The following PRELID2 variants were observed in gnomAD, a reference collection of about 807,000 sequenced individuals.
PRELID2 encodes the protein PRELI domain-containing protein 2.
PRELID2 carries 25 observed loss-of-function variants against 28.4 expected under a neutral mutation model. The ratio of observed to expected loss-of-function variants is 0.88; its 90% CI spans 0.64 to 1.23. The LOEUF is 1.23. Ranked by LOEUF, PRELID2 falls within the 50% of genes most tolerant of loss-of-function variation. The probability of loss-of-function intolerance (pLI) is 0.00; values close to 1 mark genes in which losing one functional copy is unlikely to be tolerated. For synonymous variants in PRELID2, 76 were observed against 71.6 expected (o/e 1.06, Z -0.31); for missense variants, 201 against 214.4 (o/e 0.94, Z 0.39).
At chr5:145,369,554 C>T in the PRELID2 span, among the ~76,000 whole-genome samples, 4 of 152,170 alleles carry the variant, frequency 2.6e-5, no homozygotes, top group East Asian at 5.8e-4. Context: ...CATGACTTTG[C>T]TATTGTAAAT....
chr5:145,654,720 A>C (rs1754361968), intron 1 of PRELID2, among the ~76,000 whole-genome samples: 1 of 152,190 alleles, frequency 6.6e-6, no homozygotes, highest in Non-Finnish European at 1.5e-5. Context: ...AAAAACTCTC[A>C]ATAAATTAGG....
At chr5:145,456,611 T>C in the PRELID2 span, among the ~76,000 whole-genome samples, 1 of 152,148 alleles carries the variant, frequency 6.6e-6, no homozygotes, top group Non-Finnish European at 1.5e-5. Flanking sequence ...CAAATTTGCT[T>C]TTTCTACTTG....
chr5:145,424,270 C>T, the PRELID2 span, among the ~76,000 whole-genome samples: 55 of 152,288 alleles, frequency 3.6e-4, no homozygotes, highest in Admixed American at 1.4e-3. Context: ...CCACCCAGTT[C>T]GAGCTTCCCG....
chr5:145,758,398 T>C lies in PRELID2; in HGVS notation c.*2138A>G, dbSNP rs1019261123. On this transcript the variant is annotated 3_prime_UTR_variant, in exon 7 of 7. Coordinates refer to ENST00000683046, the MANE Select transcript of PRELID2 (RefSeq NM_205846.3). ...TGCAAATACCTAAAAGTCACTGTAG[T>C]GTTCTTAGCTGCCCACTGGAACTAC... 1.3e-5 allele frequency among the ~76,000 whole-genome samples: 2 copies of C among 152,228 alleles called. No individual in the cohort carries two copies. Among genetic ancestry groups the C allele is most frequent in the East Asian group, 1.9e-4 (1 of 5,172 alleles).
the PRELID2 span, among the ~76,000 whole-genome samples, chr5:145,236,155 A>G: frequency 6.6e-6 from 1 of 152,144 alleles, no homozygotes. Context: ...TAATAAGATT[A>G]CAAGGAAGGG....
the PRELID2 span, among the ~76,000 whole-genome samples, chr5:145,281,042 G>C: frequency 6.6e-6 from 1 of 152,056 alleles, no homozygotes; most frequent in Non-Finnish European, 1.5e-5. Flanking sequence ...TCACCATTCT[G>C]CATTCTTCTT....
chr5:145,617,439 T>G (rs1426534207), intron 1 of PRELID2, among the ~76,000 whole-genome samples: 1 of 152,156 alleles, frequency 6.6e-6, no homozygotes, highest in South Asian at 2.1e-4. Flanking sequence ...TCTTCACAAT[T>G]TATATTCTTC....
chr5:145,300,664 T>C, the PRELID2 span, among the ~76,000 whole-genome samples: 11 of 151,176 alleles, frequency 7.3e-5, no homozygotes, highest in Non-Finnish European at 1.3e-4. Flanking sequence ...ACAAGTAACA[T>C]TATAACTACT....
the PRELID2 span, among the ~76,000 whole-genome samples, chr5:145,454,453 T>C: frequency 2.0e-5 from 3 of 152,118 alleles, no homozygotes; most frequent in Admixed American, 6.6e-5. Context: ...AAGAAGGAAA[T>C]AAAGGGTATT....
intron 4 of PRELID2, among the ~76,000 whole-genome samples, chr5:145,811,218 T>C (rs1406954425): frequency 6.6e-6 from 1 of 151,626 alleles, no homozygotes; most frequent in African/African-American, 2.4e-5. Context: ...CACGATTTAA[T>C]TGCCTCCCAC....
chr5:145,615,758 C>A (rs889401919), intron 1 of PRELID2, among the ~76,000 whole-genome samples: 2 of 152,190 alleles, frequency 1.3e-5, no homozygotes, highest in Non-Finnish European at 2.9e-5. Context: ...CCCTTCCATT[C>A]ATTAGGCTAT....
the PRELID2 span, among the ~76,000 whole-genome samples, chr5:145,445,111 C>T: frequency 2.1e-3 from 323 of 152,150 alleles, no homozygotes; most frequent in Non-Finnish European, 3.0e-3. Context: ...AGAGGTATCA[C>T]ACTACCGGCC....
chr5:145,457,046 A>G, the PRELID2 span, among the ~76,000 whole-genome samples: 1 of 152,240 alleles, frequency 6.6e-6, no homozygotes, highest in Non-Finnish European at 1.5e-5. Context: ...AATGTGATAT[A>G]CTTTATTTTT....
the PRELID2 span, among the ~76,000 whole-genome samples, chr5:145,449,697 C>T: frequency 6.6e-6 from 1 of 152,140 alleles, no homozygotes; most frequent in African/African-American, 2.4e-5. Context: ...TCTATATCAA[C>T]ATGTTACTCT....
intron 1 of PRELID2, among the ~76,000 whole-genome samples, chr5:145,640,978 C>T (rs1754097901): frequency 2.0e-5 from 3 of 152,056 alleles, no homozygotes; most frequent in Non-Finnish European, 4.4e-5. Context: ...AATAAATTAA[C>T]ATATAACCAT....
At chr5:145,380,309 C>A in the PRELID2 span, among the ~76,000 whole-genome samples, 1 of 152,206 alleles carries the variant, frequency 6.6e-6, no homozygotes, top group Non-Finnish European at 1.5e-5. Flanking sequence ...GCTTTCTCCC[C>A]CTTCAGCCCA....
intron 1 of PRELID2, among the ~76,000 whole-genome samples, chr5:145,567,714 T>G (rs1200760179): frequency 6.6e-6 from 1 of 152,168 alleles, no homozygotes; most frequent in African/African-American, 2.4e-5. Flanking sequence ...CTTCTCCTGC[T>G]GGCACTTCTC....
intron 5 of PRELID2, among the ~76,000 whole-genome samples, chr5:145,773,839 A>G (rs1331182909): frequency 6.6e-6 from 1 of 152,240 alleles, no homozygotes; most frequent in Non-Finnish European, 1.5e-5. Flanking sequence ...TGTACATTTT[A>G]TCAACAAATT....
At chr5:145,320,631 C>G in the PRELID2 span, among the ~76,000 whole-genome samples, 1 of 152,110 alleles carries the variant, frequency 6.6e-6, no homozygotes, top group African/African-American at 2.4e-5. Context: ...TTGATTTTGT[C>G]TGTATTGCTA....
Sources: gnomAD v4.1 joint callset for allele counts (sites outside exome capture counted in the v4.1 genomes callset) on GRCh38, gnomAD v4.1.1 for gene constraint, MANE v1.5 for transcripts, NCBI Gene and HGNC (gene_info 2026-07-23, HGNC 2026-07-21) for gene names.